The following SMARCAD1 variants were observed in gnomAD, a reference collection of about 807,000 sequenced individuals.
SMARCAD1 encodes SWI/SNF-related matrix-associated actin-dependent regulator of chromatin subfamily A containing DEAD/H box 1.
A neutral mutation model predicts 127.1 loss-of-function variants in SMARCAD1; 25 were observed. That is an observed-to-expected ratio of 0.20 (90% CI 0.14 to 0.27). The LOEUF (loss-of-function observed/expected upper bound fraction) is 0.27. Ranked by LOEUF, SMARCAD1 falls within the 10% of genes least tolerant of loss-of-function variation. The pLI is 1.00. For synonymous variants in SMARCAD1, 400 were observed against 396.9 expected (o/e 1.01, Z -0.09); for missense variants, 807 against 1,206.0 (o/e 0.67, Z 4.90).
chr4:94,259,946 G>A (rs965260415), intron 9 of SMARCAD1, among the ~76,000 whole-genome samples: 3 of 152,120 alleles, frequency 2.0e-5, no homozygotes, highest in African/African-American at 7.2e-5. Context: ...TTGTTTTATA[G>A]TTTGTTAGTT....
At chr4:94,275,850 G>A (rs1459576293) in intron 14 of SMARCAD1, among the ~76,000 whole-genome samples, 1 of 136,574 alleles carries the variant, frequency 7.3e-6, no homozygotes, top group Non-Finnish European at 1.5e-5. Flanking sequence ...AGGCTAGAGT[G>A]CAGTGGCGCG....
intron 4 of SMARCAD1, among the ~76,000 whole-genome samples, chr4:94,235,674 T>C (rs1746550782): frequency 6.6e-6 from 1 of 150,752 alleles, no homozygotes; most frequent in East Asian, 1.9e-4. Flanking sequence ...GAAACAAATG[T>C]AGACATGAGG....
At chr4:94,270,638 G>A (rs913247052) in intron 10 of SMARCAD1, 90 bp from the exon 11 acceptor site, 4 of 1,045,106 alleles carry the variant, frequency 3.8e-6, no homozygotes, top group African/African-American at 3.2e-5. Flanking sequence ...ATTAGACCTA[G>A]GCATTTTAGT....
At chr4:94,244,678 A>G (rs1175235936) in intron 6 of SMARCAD1, among the ~76,000 whole-genome samples, 1 of 151,918 alleles carries the variant, frequency 6.6e-6, no homozygotes, top group Non-Finnish European at 1.5e-5. Context: ...GCAAAAATGT[A>G]TGGATGGCTG....
chr4:94,218,447 G>C (rs282450), intron 2 of SMARCAD1, among the ~76,000 whole-genome samples: 83,190 of 151,602 alleles, frequency 0.55, 23,306 homozygotes, highest in East Asian at 0.72. Flanking sequence ...CATGCATCAC[G>C]ACGCCCAGCT....
At chr4:94,262,299 C>T (rs1022949915) in intron 9 of SMARCAD1, among the ~76,000 whole-genome samples, 2 of 152,110 alleles carry the variant, frequency 1.3e-5, no homozygotes, top group Non-Finnish European at 2.9e-5. Context: ...TAGATGGTAC[C>T]ACTAATCTGT....
In SMARCAD1 at chr4:94,280,691, A is replaced by G; in HGVS notation, c.2518A>G (p.Ile840Val). Reference protein sequence around the residue: ...LHVLCKQYRHINNFQLDMDLI... With the variant: ...LHVLCKQYRHVNNFQLDMDLI... The stretch of plus-strand genomic sequence containing the variant: ...TGTACTTTGTAAACAGTACCGACAC[A>G]TTAATAACTTTCAGTTAGACATGGA... Residue 840 changes from isoleucine (I) to valine (V), a missense_variant, in exon 20 of 24, where the codon ATT becomes GTT. Coordinates refer to ENST00000354268, the MANE Select transcript of SMARCAD1 (RefSeq NM_020159.5). The G allele has an allele frequency of 1.2e-6, 2 of 1,613,774 alleles. No homozygotes were observed. The highest frequency in any genetic ancestry group is 1.7e-6 in the Non-Finnish European group (2 of 1,179,806).
intron 21 of SMARCAD1, among the ~76,000 whole-genome samples, chr4:94,282,339 G>T (rs1295310329): frequency 6.6e-6 from 1 of 150,894 alleles, no homozygotes; most frequent in Admixed American, 6.6e-5. Flanking sequence ...CTCGTGATCC[G>T]CCCGCCTCGG....
chr4:94,211,841 A>G (rs1290583658), intron 2 of SMARCAD1, among the ~76,000 whole-genome samples: 1 of 152,192 alleles, frequency 6.6e-6, no homozygotes, highest in Non-Finnish European at 1.5e-5. Flanking sequence ...TCACCTTTTT[A>G]AGAAGACCTT....
At chr4:94,289,098 G>A (rs1421832736) in intron 23 of SMARCAD1, among the ~76,000 whole-genome samples, 2 of 111,712 alleles carry the variant, frequency 1.8e-5, no homozygotes, top group Non-Finnish European at 4.4e-5. Flanking sequence ...GTTTTCGTTG[G>A]TTTAGGTTTG....
intron 23 of SMARCAD1, among the ~76,000 whole-genome samples, chr4:94,286,976 T>C (rs541172629): frequency 5.9e-5 from 9 of 152,188 alleles, no homozygotes; most frequent in Non-Finnish European, 1.3e-4. Flanking sequence ...ACCATTCTCC[T>C]GCCTCAGCCT....
At chr4:94,288,110 A>G (rs767978480) in intron 23 of SMARCAD1, among the ~76,000 whole-genome samples, 1 of 152,180 alleles carries the variant, frequency 6.6e-6, no homozygotes, top group Non-Finnish European at 1.5e-5. Flanking sequence ...TTGATCCATA[A>G]TAAAGTCAAT....
rs1277435920 is a variant in SMARCAD1 at position 94,284,346 on chromosome 4, AAAAAAAAG to A, written c.2910-607_2910-600del. Among the ~76,000 whole-genome samples, 9 of 99,732 alleles carry A rather than the reference AAAAAAAAG, an allele frequency of 9.0e-5. 1 individual carries two copies. The highest frequency in any genetic ancestry group is 2.4e-4 in the Admixed American group (2 of 8,390). The allele number at this position is 99,732 out of a possible 152,430, so 65.4% of individuals were successfully genotyped here. A position where few individuals can be genotyped will look rare whatever the true frequency, so the allele number is the denominator to read the frequency against. On this transcript the variant is annotated intron_variant, in intron 22 of 23. Transcript: ENST00000354268. The stretch of plus-strand genomic sequence containing the variant: ...CGTCTCAAAAAAAAAAAAAAAAAAA[AAAAAAAAG>A]AAAAAAGTAATTTCCATCTGAACAC...
Position 94,249,217 on chromosome 4 carries a change from A to G in SMARCAD1, c.706-437A>G, listed in dbSNP as rs189980698. ...AATATTTAAGCCATTCTGTGAATCA[A>G]GAGTGAAGTAAAAGTAAACTCTTCT... On this transcript the variant is annotated intron_variant, in intron 6 of 23. Transcript: ENST00000354268. Among the ~76,000 whole-genome samples, 232 of 152,234 alleles carry G rather than the reference A, an allele frequency of 1.5e-3. 1 individual carries two copies. The highest frequency in any genetic ancestry group is 0.014 in the Middle Eastern group (4 of 294).
intron 21 of SMARCAD1, among the ~76,000 whole-genome samples, chr4:94,282,257 C>T (rs1012685946): frequency 1.5e-5 from 2 of 129,794 alleles, no homozygotes; most frequent in African/African-American, 5.4e-5. Context: ...CTACCACGCC[C>T]GGCTAATTTT....
intron 3 of SMARCAD1, among the ~76,000 whole-genome samples, chr4:94,230,341 G>T (rs1304029054): frequency 1.3e-5 from 2 of 150,270 alleles, no homozygotes; most frequent in Non-Finnish European, 3.0e-5. Flanking sequence ...ATATTCATTT[G>T]TTCTTTTATT....
At chr4:94,285,492 TC>T (rs1754807064) in intron 23 of SMARCAD1, among the ~76,000 whole-genome samples, 1 of 152,192 alleles carries the variant, frequency 6.6e-6, no homozygotes, top group African/African-American at 2.4e-5. Flanking sequence ...CTCTTCTGCA[TC>T]TTTTCTTATT....
chr4:94,234,362 G>GT (rs1384470408), intron 4 of SMARCAD1, among the ~76,000 whole-genome samples: 1 of 152,162 alleles, frequency 6.6e-6, no homozygotes, highest in East Asian at 1.9e-4. Flanking sequence ...AACATAGGTT[G>GT]TGAGTTTTTT....
rs775475567 is a variant in SMARCAD1 at position 94,252,636 on chromosome 4, A to C, written c.910A>C (p.Ser304Arg). Residue 304 changes from serine to arginine, a missense_variant, in exon 9 of 24, where the codon AGT (serine) becomes CGT (arginine). By Grantham distance (110) the Ser-to-Arg change is moderately radical. Coordinates refer to ENST00000354268, the MANE Select transcript of SMARCAD1 (RefSeq NM_020159.5). Reference sequence around the variant, plus strand: ...TACAGATATGCAATATGTATCACAAAGTGAGGTTCCAAATGGAAAAGAAGT... The same window carrying C: ...TACAGATATGCAATATGTATCACAACGTGAGGTTCCAAATGGAAAAGAAGT... ...EDQDMQYVSQSEVPNGKEVSS... is the reference protein window; with the variant it reads ...EDQDMQYVSQREVPNGKEVSS... 1.2e-5 allele frequency: 19 copies of C among 1,569,014 alleles called. No homozygotes were observed. In the East Asian group the frequency reaches 4.1e-4, roughly 34 times the overall value.
Sources: gnomAD v4.1 joint callset for allele counts (sites outside exome capture counted in the v4.1 genomes callset) on GRCh38, gnomAD v4.1.1 for gene constraint, MANE v1.5 for transcripts, NCBI Gene and HGNC (gene_info 2026-07-23, HGNC 2026-07-21) for gene names.